FAM20A: variants seen among roughly 807,000 people sequenced by gnomAD.
The protein encoded by FAM20A is pseudokinase FAM20A.
In FAM20A, 42 loss-of-function variants were observed where a neutral mutation model predicts 52.0. The ratio of observed to expected loss-of-function variants is 0.81; its 90% CI spans 0.63 to 1.04. The LOEUF is 1.04. FAM20A is among the 50% of genes least tolerant of loss of function. The pLI is 0.00. For missense variants in FAM20A, 742 were observed against 712.7 expected (o/e 1.04, Z -0.47); for synonymous variants, 304 against 298.9 (o/e 1.02, Z -0.18).
At chr17:68,552,106 G>A (rs2086863123) in intron 3 of FAM20A, among the ~76,000 whole-genome samples, 155 bp from the exon 4 acceptor site, 3 of 152,216 alleles carry the variant, frequency 2.0e-5, no homozygotes, top group South Asian at 4.1e-4. Context: ...CAGGGTAAAC[G>A]CCATGGTGTC....
intron 4 of FAM20A, chr17:68,551,410 AAG>A (rs1395701418): frequency 6.6e-6 from 2 of 300,994 alleles, no homozygotes; most frequent in East Asian, 1.0e-4. Context: ...TGATGTCAAA[AAG>A]AGAGTGCTTT....
intron 1 of FAM20A, among the ~76,000 whole-genome samples, chr17:68,594,083 T>G (rs1386757337): frequency 6.6e-6 from 1 of 152,208 alleles, no homozygotes; most frequent in Non-Finnish European, 1.5e-5. Flanking sequence ...GTTATATAAC[T>G]TTCTCGTTTC....
At position 68,600,342 on chromosome 17, in the gene FAM20A, G is replaced by T. The variant is rs2088582311; in HGVS notation, c.325C>A (p.Leu109Ile). The change falls in exon 1 of 11, where the codon CTC (leucine) becomes ATC (isoleucine). Residue 109 changes from leucine to isoleucine, a missense_variant. By Grantham distance (5) the Leu-to-Ile change is conservative. Transcript: ENST00000592554. This position sits in a 1 kb window ranked among gnomAD's most constrained non-coding sequence, Gnocchi z 6.2. ...AGGAGCGAGTCCTCGGCTCCCAGGA[G>T]AGGCGGCTCCTCCGGGACGTTGTAC... ...PLYNVPEEPP[L>I]LGAEDSLLAS... The T allele has an allele frequency of 1.3e-6, 2 of 1,599,014 alleles. No individual in the cohort carries two copies. Among genetic ancestry groups the T allele is most frequent in the African/African-American group, 2.7e-5 (2 of 74,620 alleles).
intron 10 of FAM20A, among the ~76,000 whole-genome samples, chr17:68,538,635 A>G (rs2086165448): frequency 6.6e-6 from 1 of 152,234 alleles, no homozygotes; most frequent in African/African-American, 2.4e-5. Flanking sequence ...CAGGACTTTA[A>G]TCAGGGTTTT....
rs201055670 is a variant in FAM20A at position 68,600,338 on chromosome 17, A to T, written c.329T>A (p.Leu110Gln). 82 of 1,599,016 alleles carry T rather than the reference A, an allele frequency of 5.1e-5. No individual in the cohort carries two copies. The highest frequency in any genetic ancestry group is 6.7e-5 in the Non-Finnish European group (79 of 1,173,510). Residue 110 changes from leucine to glutamine, a missense_variant, in exon 1 of 11, where the codon CTG becomes CAG. Transcript: ENST00000592554. This position sits in a 1 kb window ranked among gnomAD's most constrained non-coding sequence, Gnocchi z 6.2. The stretch of plus-strand genomic sequence containing the variant: ...GGCCAGGAGCGAGTCCTCGGCTCCC[A>T]GGAGAGGCGGCTCCTCCGGGACGTT... ...LYNVPEEPPLLGAEDSLLASQ... is the reference protein window; with the variant it reads ...LYNVPEEPPLQGAEDSLLASQ...
intron 1 of FAM20A, among the ~76,000 whole-genome samples, chr17:68,585,539 G>T (rs1050268711): frequency 6.6e-6 from 1 of 151,386 alleles, no homozygotes; most frequent in African/African-American, 2.4e-5. Context: ...TTATTTTTCT[G>T]TACTGAATGA....
Position 68,539,412 on chromosome 17 carries a change from G to T in FAM20A, c.1302-16C>A. ...TCGTCCGAACCTAGGAGGAGAAACA[G>T]GCTTTTATGGGTGGCCGGCAGCATC... On this transcript the variant is annotated splice_polypyrimidine_tract_variant and intron_variant, in intron 9 of 10. Coordinates refer to ENST00000592554, the MANE Select transcript of FAM20A (RefSeq NM_017565.4). 6.2e-7 allele frequency: 1 copy of T among 1,613,268 alleles called. No homozygotes were observed. The highest frequency in any genetic ancestry group is 8.5e-7 in the Non-Finnish European group (1 of 1,179,214).
At chr17:68,554,851 G>A in intron 2 of FAM20A, 24 bp from the exon 3 acceptor site, 1 of 1,613,488 alleles carries the variant, frequency 6.2e-7, no homozygotes, top group Non-Finnish European at 8.5e-7. Flanking sequence ...GAAGGGCAAT[G>A]AGAACTTCCA....
At position 68,536,044 on chromosome 17, in the gene FAM20A, C is replaced by A. The variant is rs1385044044; in HGVS notation, c.*1433G>T. ...TCTGTAGCGTTGGTGAGTGCCTCAC[C>A]TGGTCAGATCTCAGTGAATGGTAGT... On this transcript the variant is annotated 3_prime_UTR_variant, in exon 11 of 11. Coordinates refer to ENST00000592554, the MANE Select transcript of FAM20A (RefSeq NM_017565.4). 2.4e-5 allele frequency: 11 copies of A among 453,976 alleles called. No homozygotes were observed. In the Admixed American group the frequency reaches 2.6e-4, roughly 11 times the overall value. The allele number at this position is 453,976 out of a possible 1,614,324, so 28.1% of individuals were successfully genotyped here. A position where few individuals can be genotyped will look rare whatever the true frequency, so the allele number is the denominator to read the frequency against.
At chr17:68,554,988 A>T (rs544529167) in intron 2 of FAM20A, among the ~76,000 whole-genome samples, 161 bp from the exon 3 acceptor site, 1 of 152,168 alleles carries the variant, frequency 6.6e-6, no homozygotes, top group South Asian at 2.1e-4. Context: ...AGCCCAGGAG[A>T]CTGTAGCCTC....
At chr17:68,600,000 G>A (rs575310327) in intron 1 of FAM20A, among the ~76,000 whole-genome samples, 2 of 152,308 alleles carry the variant, frequency 1.3e-5, no homozygotes, top group East Asian at 3.9e-4. Context: ...CGCTCAAGGG[G>A]AAGGGGCTGA....
At chr17:68,558,310 T>C in intron 1 of FAM20A, 1 of 439,296 alleles carries the variant, frequency 2.3e-6, no homozygotes, top group Non-Finnish European at 4.6e-6. Flanking sequence ...TGTGAGATCC[T>C]AGCAGAAAAT....
At position 68,596,349 on chromosome 17, in the gene FAM20A, G is replaced by A. The variant is rs144550168; in HGVS notation, c.404+3914C>T. On this transcript the variant is annotated intron_variant, in intron 1 of 10. Transcript: ENST00000592554. ...GCTGCTGGGGTTTCTACATTAGGGA[G>A]AGCTGACCCTGTTTGACCTTGCCTG... Among the ~76,000 whole-genome samples the A allele has an allele frequency of 3.0e-4, 45 of 152,316 alleles. 1 individual carries two copies. The highest frequency in any genetic ancestry group is 1.1e-3 in the African/African-American group (44 of 41,570).
At position 68,537,942 on chromosome 17, in the gene FAM20A, T is replaced by C. The variant is rs553049156; in HGVS notation, c.1362-201A>G. ...CAGTATCCTGCAGTCCTTTGCCCAA[T>C]TGCGATTTGGTCAAGAGCCTGCATA... On this transcript the variant is annotated intron_variant, in intron 10 of 10. Transcript: ENST00000592554. The surrounding 1 kb of genome is among the most constrained non-coding windows in gnomAD (Gnocchi z 4.2). Among the ~76,000 whole-genome samples, 3 of 152,306 alleles carry C rather than the reference T, an allele frequency of 2.0e-5. No individual in the cohort carries two copies. The highest frequency in any genetic ancestry group is 7.2e-5 in the African/African-American group (3 of 41,574).
In FAM20A at chr17:68,581,757, G is replaced by C. The variant is rs537494459; in HGVS notation, c.404+18506C>G. Among the ~76,000 whole-genome samples the C allele has an allele frequency of 4.0e-5, 6 of 151,846 alleles. No homozygotes were observed. In the East Asian group the frequency reaches 1.2e-3, roughly 30 times the overall value. On this transcript the variant is annotated intron_variant, in intron 1 of 10. Coordinates refer to ENST00000592554, the MANE Select transcript of FAM20A (RefSeq NM_017565.4). ...TGCCCGGCTAATTTTTGTATTTTTA[G>C]TAGAGACAGGGTTTCACCATGTTGG...
intron 1 of FAM20A, among the ~76,000 whole-genome samples, chr17:68,578,838 CA>C (rs5821664): frequency 0.24 from 8,603 of 35,944 alleles, 1,099 homozygotes; most frequent in East Asian, 0.48. Flanking sequence ...CTAAAAATAC[CA>C]AAAAAAAAAA....
chr17:68,580,254 T>G lies in FAM20A; in HGVS notation c.404+20009A>C, dbSNP rs532043393. Among the ~76,000 whole-genome samples, 4 of 152,322 alleles carry G rather than the reference T, an allele frequency of 2.6e-5. No homozygotes were observed. In the East Asian group the frequency reaches 7.7e-4, roughly 29 times the overall value. Reference sequence around the variant, plus strand: ...AATTTCCTTGGAGCCTTCTTAAAGATCATGGTGGTGGTGGGTGGGGGGAGA... The same window carrying G: ...AATTTCCTTGGAGCCTTCTTAAAGAGCATGGTGGTGGTGGGTGGGGGGAGA... On this transcript the variant is annotated intron_variant, in intron 1 of 10. Transcript: ENST00000592554.
chr17:68,556,347 T>C (rs1049217478), intron 1 of FAM20A, among the ~76,000 whole-genome samples: 4 of 152,218 alleles, frequency 2.6e-5, no homozygotes, highest in African/African-American at 7.2e-5. Flanking sequence ...ATAAAAAAGA[T>C]GGTTCTACCA....
chr17:68,584,733 A>G (rs1206709752), intron 1 of FAM20A, among the ~76,000 whole-genome samples: 6 of 152,212 alleles, frequency 3.9e-5, no homozygotes, highest in Non-Finnish European at 7.3e-5. Context: ...CTTTAATATC[A>G]TAAACTGCAA....
Sources: gnomAD v4.1 joint callset for allele counts (sites outside exome capture counted in the v4.1 genomes callset) on GRCh38, gnomAD v4.1.1 for gene constraint, Gnocchi (gnomAD v3.1) non-coding constraint, MANE v1.5 for transcripts, NCBI Gene and HGNC (gene_info 2026-07-23, HGNC 2026-07-21) for gene names.